KLK4: variants seen among roughly 807,000 people sequenced by gnomAD.
The protein encoded by KLK4 is kallikrein-4.
A neutral mutation model predicts 24.3 loss-of-function variants in KLK4; 24 were observed. The ratio of observed to expected loss-of-function variants is 0.99; its 90% CI spans 0.72 to 1.39. The LOEUF (loss-of-function observed/expected upper bound fraction) is 1.39, where lower values mean the gene tolerates loss of function less well. Ranked by LOEUF, KLK4 falls within the 40% of genes most tolerant of loss-of-function variation. The pLI, the probability that KLK4 is intolerant of heterozygous loss-of-function variation, is 0.00. For synonymous variants in KLK4, 142 were observed against 138.8 expected, an observed-to-expected ratio of 1.02 and a Z score of -0.16; for missense variants, 344 against 327.4, an observed-to-expected ratio of 1.05 and a Z score of -0.39.
exon 3 of KLK4, chr19:50,909,359 C>T (rs1225388204): frequency 1.2e-6 from 2 of 1,614,082 alleles, no homozygotes; most frequent in Non-Finnish European, 1.7e-6. Flanking sequence ...GCTGCGAGTG[C>T]GGGCTGCAGT....
rs369914368 is a variant in KLK4 at position 50,910,728 on chromosome 19, G to C, written c.11C>G (p.Ala4Gly). Residue 4 changes from alanine (A) to glycine (G), a missense_variant, in exon 2 of 6, where the codon GCA (alanine) becomes GGA (glycine). Transcript: ENST00000324041. The surrounding 1 kb of genome is among the most constrained non-coding windows in gnomAD (Gnocchi z 4.4). ...CAGGAACCAGCCCCAGGGATTTCCT[G>C]CTGTGGCCATCACGTCAGCACCTGG... 54 of 1,553,890 alleles carry C rather than the reference G, an allele frequency of 3.5e-5. No individual in the cohort carries two copies. In the East Asian group the frequency reaches 4.6e-4, roughly 13 times the overall value.
rs117475014 is a variant in KLK4 at position 50,908,866 on chromosome 19, C to T, written c.225-37G>A. 2,365 of 1,605,334 alleles carry T rather than the reference C, an allele frequency of 1.5e-3. 68 individuals carry two copies. In the East Asian group the frequency reaches 0.046, roughly 31 times the overall value. Reference sequence around the variant, plus strand: ...GGAGGGCAGGTCAGTTTTGTGGCAACTACATCCTTACCTCCATTCTCATCT... The same window carrying T: ...GGAGGGCAGGTCAGTTTTGTGGCAATTACATCCTTACCTCCATTCTCATCT... On this transcript the variant is annotated intron_variant, in intron 3 of 5. Transcript: ENST00000324041.
chr19:50,909,235 C>G lies in KLK4; in HGVS notation c.224+17G>C, dbSNP rs759340602. ...CCGGACCCAGGCCCTGCCCACTCCC[C>G]CTACCTCTGCACTCACTTCTGGAAA... On this transcript the variant is annotated intron_variant, in intron 3 of 5. Transcript: ENST00000324041. 7 of 1,613,994 alleles carry G rather than the reference C, an allele frequency of 4.3e-6. No individual in the cohort carries two copies. The South Asian group carries it at 7.7e-5, about 18-fold the overall frequency.
intron 2 of KLK4, 110 bp from the exon 3 acceptor site, chr19:50,909,524 C>T (rs1352886985): frequency 8.3e-7 from 1 of 1,202,582 alleles, no homozygotes; most frequent in East Asian, 2.3e-5. Flanking sequence ...AGTCAGGGCT[C>T]CTCGGGGCGG....
chr19:50,907,206 T>C (rs778744894), intron 5 of KLK4, 120 bp from the exon 6 acceptor site: 63 of 1,021,358 alleles, frequency 6.2e-5, no homozygotes, highest in Non-Finnish European at 8.6e-5. Flanking sequence ...AATAACAACA[T>C]AGCCCAGCAA....
In KLK4 at chr19:50,910,801, C is replaced by G. The variant is rs2090482262; in HGVS notation, c.-11-52G>C. 3 of 1,414,592 alleles carry G rather than the reference C, an allele frequency of 2.1e-6. No homozygotes were observed. Among genetic ancestry groups the G allele is most frequent in the Admixed American group, 2.0e-5 (1 of 50,820 alleles). 87.6% of individuals were successfully genotyped at this position (1,414,592 alleles called of 1,614,324 possible). Reference sequence around the variant, plus strand: ...GTGTCTGGGGATCTTCAGCCCAAGTCTCTCCATCCCTCTCTTTGTCCCTCC... The same window carrying G: ...GTGTCTGGGGATCTTCAGCCCAAGTGTCTCCATCCCTCTCTTTGTCCCTCC... On this transcript the variant is annotated intron_variant, in intron 1 of 5. Coordinates refer to ENST00000324041, the Ensembl canonical transcript of KLK4. This position sits in a 1 kb window ranked among gnomAD's most constrained non-coding sequence, Gnocchi z 4.4.
chr19:50,909,280 C>T (rs747373934), exon 3 of KLK4: 2 of 1,614,206 alleles, frequency 1.2e-6, no homozygotes, highest in South Asian at 1.1e-5. Flanking sequence ...GCTGACAGCA[C>T]CCACTGCGGA....
chr19:50,908,204 T>C (rs2090450450), intron 5 of KLK4, 155 bp downstream of exon 5: 1 of 903,766 alleles, frequency 1.1e-6, no homozygotes, highest in Admixed American at 1.9e-5. Flanking sequence ...TTCCTGTGTT[T>C]ATTTCTCTGT....
exon 6 of KLK4, chr19:50,906,768 G>A: frequency 2.8e-6 from 2 of 702,902 alleles, no homozygotes; most frequent in South Asian, 3.1e-5. Context: ...GGACTCCTGG[G>A]TCTGAGGGAG....
exon 6 of KLK4, chr19:50,906,639 A>C: frequency 5.1e-6 from 1 of 197,990 alleles, no homozygotes; most frequent in Non-Finnish European, 9.4e-6. Context: ...CCTGGGTCTG[A>C]GGGAGGAGGG....
Position 50,910,716 on chromosome 19 carries a change from C to T in KLK4, c.23G>A (p.Trp8Ter). ...GATGAGGTACCCCAGGAACCAGCCC[C>T]AGGGATTTCCTGCTGTGGCCATCAC... The change falls in exon 2 of 6, where the codon TGG (tryptophan) becomes TAG (stop). Residue 8 changes from tryptophan to a stop codon, truncating the protein, a stop_gained. Transcript: ENST00000324041. LOFTEE classifies it high-confidence loss of function. This position sits in a 1 kb window ranked among gnomAD's most constrained non-coding sequence, Gnocchi z 4.4. 6.4e-7 allele frequency: 1 copy of T among 1,554,896 alleles called. No individual in the cohort carries two copies. Among genetic ancestry groups the T allele is most frequent in the Admixed American group, 1.9e-5 (1 of 51,320 alleles).
At chr19:50,907,840 G>C in intron 5 of KLK4, 1 of 245,554 alleles carries the variant, frequency 4.1e-6, no homozygotes, top group Non-Finnish European at 8.0e-6. Context: ...CTTATACTTG[G>C]ATTTTTTCAA....
At chr19:50,908,090 G>A (rs560296545) in intron 5 of KLK4, 34 of 532,420 alleles carry the variant, frequency 6.4e-5, no homozygotes, top group African/African-American at 5.7e-4. Flanking sequence ...GGAGGTCACC[G>A]CCCTCAGGCC....
chr19:50,908,354 C>CTT lies in KLK4; in HGVS notation c.612+4_612+5insAA, dbSNP rs2090452037. The CTT allele has an allele frequency of 5.0e-6, 8 of 1,612,840 alleles. No individual in the cohort carries two copies. The East Asian group carries it at 1.8e-4, about 36-fold the overall frequency. ...TCGCCTGCCCTCCCCTTTCCCCTCT[C>CTT]TCACGTTGCAGGAGTCCTTCTGGTC... On this transcript the variant is annotated splice_donor_region_variant and intron_variant, in intron 5 of 5. Transcript: ENST00000324041.
rs1395918660 is a variant in KLK4, at chr19:50,910,525, G to T, written c.61+153C>A. Among the ~76,000 whole-genome samples, 1 of 152,124 alleles carries T rather than the reference G, an allele frequency of 6.6e-6. No individual in the cohort carries two copies. The highest frequency in any genetic ancestry group is 2.4e-5 in the African/African-American group (1 of 41,404). ...ACACAAATTTACCACGATACAAGGA[G>T]TTGCAGGGGCACAGCCATGGGGGAC... On this transcript the variant is annotated intron_variant, in intron 2 of 5. Coordinates refer to ENST00000324041, the Ensembl canonical transcript of KLK4. This position sits in a 1 kb window ranked among gnomAD's most constrained non-coding sequence, Gnocchi z 4.4.
rs912795068 is a variant in KLK4, at chr19:50,910,445, G to A, written c.61+233C>T. Reference sequence around the variant, plus strand: ...GTTGTCACTCCACCAGATATTCAGAGGCACAAACTGTCAGAGTCTCACAGG... The same window carrying A: ...GTTGTCACTCCACCAGATATTCAGAAGCACAAACTGTCAGAGTCTCACAGG... On this transcript the variant is annotated intron_variant, in intron 2 of 5. Coordinates refer to ENST00000324041, the Ensembl canonical transcript of KLK4. The surrounding 1 kb of genome is among the most constrained non-coding windows in gnomAD (Gnocchi z 4.4). Among the ~76,000 whole-genome samples, 1 of 152,028 alleles carries A rather than the reference G, an allele frequency of 6.6e-6. No homozygotes were observed. The highest frequency in any genetic ancestry group is 1.5e-5 in the Non-Finnish European group (1 of 68,006).
chr19:50,907,190 A>G (rs1486786697), intron 5 of KLK4, 104 bp from the exon 6 acceptor site: 2 of 1,177,072 alleles, frequency 1.7e-6, no homozygotes, highest in Non-Finnish European at 1.3e-6. Context: ...AGACAGAACC[A>G]TCATCAATAA....
At chr19:50,908,286 G>GC in intron 5 of KLK4, 73 bp downstream of exon 5, 1 of 1,567,954 alleles carries the variant, frequency 6.4e-7, no homozygotes, top group Non-Finnish European at 8.7e-7. Flanking sequence ...TCGCCATGCG[G>GC]CCCTGTGTGT....
Position 50,910,645 on chromosome 19 carries a change from C to G in KLK4, c.61+33G>C. 1 of 1,544,392 alleles carries G rather than the reference C, an allele frequency of 6.5e-7. No individual in the cohort carries two copies. ...CATTAACAAACACTGTGCCCCCAAGCACGGACAGACACACACACGCATACT... is the reference window on the plus strand; with the variant it reads ...CATTAACAAACACTGTGCCCCCAAGGACGGACAGACACACACACGCATACT... On this transcript the variant is annotated intron_variant, in intron 2 of 5. Coordinates refer to ENST00000324041, the Ensembl canonical transcript of KLK4. This position sits in a 1 kb window ranked among gnomAD's most constrained non-coding sequence, Gnocchi z 4.4.
Sources: gnomAD v4.1 joint callset for allele counts (sites outside exome capture counted in the v4.1 genomes callset) on GRCh38, gnomAD v4.1.1 for gene constraint, Gnocchi (gnomAD v3.1) non-coding constraint, MANE v1.5 for transcripts, NCBI Gene and HGNC (gene_info 2026-07-23, HGNC 2026-07-21) for gene names.